The following MED1 variants were observed in gnomAD, a reference collection of about 807,000 sequenced individuals.
The protein encoded by MED1 is mediator complex subunit 1.
A neutral mutation model predicts 121.3 loss-of-function variants in MED1; 17 were observed. The observed-to-expected ratio is 0.14, with a 90% CI of 0.10 to 0.21. The LOEUF (loss-of-function observed/expected upper bound fraction) is 0.21. Ranked by LOEUF, MED1 falls within the 10% of genes least tolerant of loss-of-function variation. The pLI, the probability that MED1 is intolerant of heterozygous loss-of-function variation, is 1.00. For synonymous variants in MED1, 661 were observed against 694.4 expected (o/e 0.95, Z 0.76); for missense variants, 1,558 against 1,919.4 (o/e 0.81, Z 3.52).
chr17:39,438,776 T>C (rs1453636011), intron 6 of MED1, among the ~76,000 whole-genome samples: 1 of 152,030 alleles, frequency 6.6e-6, no homozygotes. Flanking sequence ...CCCAGCCACC[T>C]AGTCTCTATT....
At chr17:39,432,070 G>T in intron 7 of MED1, 54 bp from the exon 8 acceptor site, 1 of 1,367,518 alleles carries the variant, frequency 7.3e-7, no homozygotes, top group Non-Finnish European at 1.0e-6. Context: ...ATGACCAAGC[G>T]GGGTGGCTCA....
In MED1 at chr17:39,438,168, T is replaced by A. The variant is rs149073558; in HGVS notation, c.428+997A>T. Among the ~76,000 whole-genome samples the A allele has an allele frequency of 2.0e-5, 3 of 149,442 alleles. No homozygotes were observed. The East Asian group carries it at 5.9e-4, about 29-fold the overall frequency. The stretch of plus-strand genomic sequence containing the variant: ...GCCTGGCCCACATGGCGAAACCTCG[T>A]CTCTATTTTTTTTTTTTTTCTGAGA... On this transcript the variant is annotated intron_variant, in intron 6 of 16. Coordinates refer to ENST00000300651, the MANE Select transcript of MED1 (RefSeq NM_004774.4).
chr17:39,409,979 G>A lies in MED1; in HGVS notation c.2242C>T (p.Pro748Ser). 1 of 1,614,068 alleles carries A rather than the reference G, an allele frequency of 6.2e-7. No homozygotes were observed. The highest frequency in any genetic ancestry group is 8.5e-7 in the Non-Finnish European group (1 of 1,180,020). Residue 748 changes from proline (P) to serine (S), a missense_variant, in exon 17 of 17, where the codon CCC becomes TCC. By Grantham distance (74) the Pro-to-Ser change is moderately conservative (BLOSUM62 -1). Around this residue, in one of 5 missense-constraint regions of MED1, gnomAD observed 793 missense variants for 898.2 expected, o/e 0.88. Coordinates refer to ENST00000300651, the MANE Select transcript of MED1 (RefSeq NM_004774.4). ...ITPAPSQCSTPPTTYPQPVPH... is the reference protein window; with the variant it reads ...ITPAPSQCSTSPTTYPQPVPH... ...ACTGGTTGTGGGTAAGTTGTTGGGG[G>A]AGTGCTACACTGGCTTGGAGCTGGA...
rs1348724781 is a variant in MED1 at position 39,411,304 on chromosome 17, T to C, written c.1500-583A>G. On this transcript the variant is annotated intron_variant, in intron 16 of 16. Transcript: ENST00000300651. ...ACTGCACTCCAGCTTGGCAACAGAG[T>C]GAGACTCCGTCTCAAAAAAAAAAAT... 6.9e-5 allele frequency among the ~76,000 whole-genome samples: 10 copies of C among 145,124 alleles called. No homozygotes were observed. The Admixed American group carries it at 7.0e-4, about 10-fold the overall frequency.
In MED1 at chr17:39,407,647, G is replaced by C. The variant is rs530482617; in HGVS notation, c.4574C>G (p.Ser1525Cys). The C allele has an allele frequency of 1.9e-6, 3 of 1,614,108 alleles. No individual in the cohort carries two copies. In the African/African-American group the frequency reaches 4.0e-5, roughly 22 times the overall value. Residue 1525 changes from serine to cysteine, a missense_variant, in exon 17 of 17, where the codon TCT (serine) becomes TGT (cysteine). Ser to Cys is a moderately radical substitution (Grantham distance 112). Around this residue, in one of 5 missense-constraint regions of MED1, gnomAD observed 264 missense variants for 326.1 expected, o/e 0.81. Transcript: ENST00000300651. ...DRDKDRDKKK[S>C]HSIKPESWSK... is the part of the protein sequence containing the mutation. ...CCAACTCTCTGGCTTGATGCTATGA[G>C]ATTTTTTCTTGTCTCGGTCTTTGTC...
In MED1 at chr17:39,406,039, TGA is replaced by T. The variant is rs1478388074; in HGVS notation, c.*1434_*1435del. ...TATCAAAGTAAGGCCGCAGAATTTT[TGA>T]GAGGACCCTCCAAATACTGAGAACT... On this transcript the variant is annotated 3_prime_UTR_variant, in exon 17 of 17. Transcript: ENST00000300651. 3 of 985,414 alleles carry T rather than the reference TGA, an allele frequency of 3.0e-6. No homozygotes were observed. The highest frequency in any genetic ancestry group is 3.6e-6 in the Non-Finnish European group (3 of 829,936). 61.0% of individuals were successfully genotyped at this position (985,414 alleles called of 1,614,324 possible). A position where few individuals can be genotyped will look rare whatever the true frequency, so the allele number is the denominator to read the frequency against.
At position 39,407,020 on chromosome 17, in the gene MED1, T is replaced by G; in HGVS notation, c.*455A>C. ...AAACGGACAACTACCTCAAACAAAG[T>G]TGAACAACCTTCATGCAAATGCATC... On this transcript the variant is annotated 3_prime_UTR_variant, in exon 17 of 17. Coordinates refer to ENST00000300651, the MANE Select transcript of MED1 (RefSeq NM_004774.4). 1.0e-6 allele frequency: 1 copy of G among 987,116 alleles called. No homozygotes were observed. Among genetic ancestry groups the G allele is most frequent in the Non-Finnish European group, 1.2e-6 (1 of 830,796 alleles). 61.1% of individuals were successfully genotyped at this position (987,116 alleles called of 1,614,324 possible).
chr17:39,414,673 T>A (rs1221231612), intron 16 of MED1, among the ~76,000 whole-genome samples: 4 of 38,164 alleles, frequency 1.0e-4, no homozygotes, highest in Non-Finnish European at 1.6e-4. Flanking sequence ...TTTTTTTTTT[T>A]TACAACAAAA....
chr17:39,447,662 T>C, intron 2 of MED1, 136 bp downstream of exon 2: 2 of 561,852 alleles, frequency 3.6e-6, no homozygotes, highest in South Asian at 2.7e-5. Flanking sequence ...ATAGATACAA[T>C]AGACTCCTAA....
chr17:39,421,922 A>G (rs2048468762), intron 13 of MED1, among the ~76,000 whole-genome samples: 1 of 151,574 alleles, frequency 6.6e-6, no homozygotes, highest in Non-Finnish European at 1.5e-5. Context: ...AGGTCAGGAG[A>G]TCGAGACCAT....
At chr17:39,441,406 A>T (rs2048673471) in intron 3 of MED1, among the ~76,000 whole-genome samples, 1 of 152,238 alleles carries the variant, frequency 6.6e-6, no homozygotes, top group Non-Finnish European at 1.5e-5. Flanking sequence ...GAATGTACTT[A>T]ACGCTACTGA....
rs201729840 is a variant in MED1 at position 39,409,855 on chromosome 17, T to G, written c.2366A>C (p.Glu789Ala). The change falls in exon 17 of 17, where the codon GAA (glutamate) becomes GCA (alanine). Residue 789 changes from glutamate to alanine, a missense_variant. This residue lies in a region of MED1 where 793 missense variants were observed against 898.2 expected (regional missense o/e 0.88). Coordinates refer to ENST00000300651, the MANE Select transcript of MED1 (RefSeq NM_004774.4). ...ACTAGTGCTGGGAAGTTTAGAAGCTTCTTCTGCAATGTCTGAAAGGATGTC... is the reference window on the plus strand; with the variant it reads ...ACTAGTGCTGGGAAGTTTAGAAGCTGCTTCTGCAATGTCTGAAAGGATGTC... The part of the protein sequence containing the change: ...VTDILSDIAE[E>A]ASKLPSTSDD... 3.6e-5 allele frequency: 58 copies of G among 1,614,044 alleles called. No individual in the cohort carries two copies. Among genetic ancestry groups the G allele is most frequent in the Admixed American group, 1.0e-4 (6 of 59,998 alleles).
chr17:39,404,808 A>T lies in MED1; in HGVS notation c.*2667T>A, dbSNP rs1382159913. 6.5e-6 allele frequency: 1 copy of T among 154,650 alleles called. No homozygotes were observed. The highest frequency in any genetic ancestry group is 1.8e-4 in the East Asian group (1 of 5,412). 9.6% of individuals were successfully genotyped at this position (154,650 alleles called of 1,614,324 possible). ...GCCTGAAGAAAGAAAATCTTTCAAG[A>T]GTCACCAACCTCAAGCCTGGTTTTG... is the stretch of plus-strand genomic sequence containing the variant. On this transcript the variant is annotated 3_prime_UTR_variant, in exon 17 of 17. Transcript: ENST00000300651.
chr17:39,410,793 CA>C, intron 16 of MED1, 72 bp from the exon 17 acceptor site: 1 of 1,516,364 alleles, frequency 6.6e-7, no homozygotes, highest in Admixed American at 2.2e-5. Flanking sequence ...TTAGATATAA[CA>C]TCAGAGTTTT....
Position 39,408,354 on chromosome 17 carries a change from A to G in MED1, c.3867T>C (p.Ser1289=). Residue 1289 remains serine, a synonymous_variant, in exon 17 of 17, where the codon AGT becomes AGC. Coordinates refer to ENST00000300651, the MANE Select transcript of MED1 (RefSeq NM_004774.4). The surrounding 1 kb of genome is among the most constrained non-coding windows in gnomAD (Gnocchi z 4.7). ...SMSSSQNQHG[S]SKGKSPSRNK... The stretch of plus-strand genomic sequence containing the variant: ...TTCTGCTGGGAGATTTTCCTTTAGA[A>G]CTCCCATGCTGGTTCTGAGAGGATG... 6.2e-7 allele frequency: 1 copy of G among 1,613,856 alleles called. No homozygotes were observed. Among genetic ancestry groups the G allele is most frequent in the Non-Finnish European group, 8.5e-7 (1 of 1,179,980 alleles).
intron 16 of MED1, among the ~76,000 whole-genome samples, chr17:39,412,119 CTTGT>C (rs1433809382): frequency 6.6e-6 from 1 of 151,572 alleles, no homozygotes; most frequent in East Asian, 1.9e-4. Context: ...TGTTATAAAT[CTTGT>C]TTATTTTAAA....
Position 39,440,307 on chromosome 17 carries a change from T to G in MED1, c.399+79A>C. 1 of 1,433,402 alleles carries G rather than the reference T, an allele frequency of 7.0e-7. No homozygotes were observed. Among genetic ancestry groups the G allele is most frequent in the Non-Finnish European group, 9.3e-7 (1 of 1,078,526 alleles). The allele number at this position is 1,433,402 out of a possible 1,614,324, so 88.8% of individuals were successfully genotyped here. A position where few individuals can be genotyped will look rare whatever the true frequency, so the allele number is the denominator to read the frequency against. On this transcript the variant is annotated intron_variant, in intron 5 of 16. Coordinates refer to ENST00000300651, the MANE Select transcript of MED1 (RefSeq NM_004774.4). This position sits in a 1 kb window ranked among gnomAD's most constrained non-coding sequence, Gnocchi z 4.1. ...TGGAAAAACCTAAACCCAAGCTATT[T>G]AAACCCCAACAATTAATTTTAAAAT... is the stretch of plus-strand genomic sequence containing the variant.
chr17:39,417,479 A>T (rs2048421302), intron 14 of MED1, among the ~76,000 whole-genome samples: 1 of 151,616 alleles, frequency 6.6e-6, no homozygotes, highest in African/African-American at 2.4e-5. Flanking sequence ...ATACAAAAAA[A>T]TTAGCCGGGC....
chr17:39,421,386 C>T (rs980847011), intron 13 of MED1, among the ~76,000 whole-genome samples: 1 of 151,704 alleles, frequency 6.6e-6, no homozygotes, highest in Non-Finnish European at 1.5e-5. Context: ...CCCGTCTCTA[C>T]TAAAAATACA....
Sources: allele counts gnomAD v4.1 joint callset (sites outside exome capture counted in the v4.1 genomes callset), GRCh38; gene constraint gnomAD v4.1.1; regional missense constraint gnomAD v4.1.1; non-coding constraint Gnocchi (gnomAD v3.1); transcripts MANE v1.5; gene names NCBI Gene and HGNC (gene_info 2026-07-23, HGNC 2026-07-21).